UBE2H: variants seen among roughly 807,000 people sequenced by gnomAD.
UBE2H encodes the protein ubiquitin-conjugating enzyme E2 H.
In UBE2H, 3 loss-of-function variants were observed where a neutral mutation model predicts 29.0. That is an observed-to-expected ratio of 0.10 (90% confidence interval 0.05 to 0.27). The LOEUF (loss-of-function observed/expected upper bound fraction) is 0.27. Among genes scored for constraint, UBE2H ranks in the 10% least tolerant of loss-of-function variants. The pLI is 1.00. For synonymous variants in UBE2H, 69 were observed against 82.9 expected, an observed-to-expected ratio of 0.83 and a Z score of 0.91; for missense variants, 68 against 228.2, an observed-to-expected ratio of 0.30 and a Z score of 4.52.
intron 1 of UBE2H, among the ~76,000 whole-genome samples, chr7:129,907,757 C>A (rs1806850355): frequency 6.6e-6 from 1 of 152,054 alleles, no homozygotes; most frequent in Non-Finnish European, 1.5e-5. Flanking sequence ...CTTAAAATTG[C>A]TGAATTTTAC....
chr7:129,918,190 A>G (rs189568258), intron 1 of UBE2H, among the ~76,000 whole-genome samples: 2 of 152,256 alleles, frequency 1.3e-5, no homozygotes, highest in Admixed American at 1.3e-4. Context: ...CTCTCATATC[A>G]TCACCTTTAT....
In UBE2H at chr7:129,940,385, G is replaced by A. The variant is rs76026103; in HGVS notation, c.53+12118C>T. 4.4e-3 allele frequency among the ~76,000 whole-genome samples: 672 copies of A among 152,224 alleles called. 6 individuals are homozygous for A. Among genetic ancestry groups the A allele is most frequent in the African/African-American group, 0.015 (641 of 41,542 alleles). ...CTCAATTAATTGATATCCTAAATAT[G>A]GATCCTCCAAGTGCTACAGAACAGG... On this transcript the variant is annotated intron_variant, in intron 1 of 6. Coordinates refer to ENST00000355621, the MANE Select transcript of UBE2H (RefSeq NM_003344.4).
chr7:129,850,019 C>T (rs1296272734), intron 5 of UBE2H, among the ~76,000 whole-genome samples: 1 of 152,088 alleles, frequency 6.6e-6, no homozygotes, highest in South Asian at 2.1e-4. Flanking sequence ...AAAACACCTC[C>T]GAAAAGAAGT....
At chr7:129,933,550 A>G (rs1412773819) in intron 1 of UBE2H, among the ~76,000 whole-genome samples, 2 of 152,208 alleles carry the variant, frequency 1.3e-5, no homozygotes, top group Admixed American at 6.5e-5. Context: ...TGAATAACCT[A>G]TAAGGTATTA....
chr7:129,920,684 G>A (rs1807140287), intron 1 of UBE2H, among the ~76,000 whole-genome samples: 1 of 151,936 alleles, frequency 6.6e-6, no homozygotes, highest in Non-Finnish European at 1.5e-5. Flanking sequence ...AGGCTTTAGT[G>A]TAACTTCAGG....
rs780036460 is a variant in UBE2H, at chr7:129,834,212, C to T, written c.*725G>A. 8.5e-5 allele frequency: 13 copies of T among 152,172 alleles called. No homozygotes were observed. Among genetic ancestry groups the T allele is most frequent in the Non-Finnish European group, 1.3e-4 (9 of 68,032 alleles). The allele number at this position is 152,172 out of a possible 1,614,324, so 9.4% of individuals were successfully genotyped here. A position where few individuals can be genotyped will look rare whatever the true frequency, so the allele number is the denominator to read the frequency against. Reference sequence around the variant, plus strand: ...AAACAGGTCTGGATTTCACGCTCTACCCCAAGAAAAAGAACTGGTTCAGAA... The same window carrying T: ...AAACAGGTCTGGATTTCACGCTCTATCCCAAGAAAAAGAACTGGTTCAGAA... On this transcript the variant is annotated 3_prime_UTR_variant, in exon 7 of 7. Transcript: ENST00000355621.
chr7:129,881,948 C>G (rs1806263313), intron 1 of UBE2H, among the ~76,000 whole-genome samples: 1 of 151,916 alleles, frequency 6.6e-6, no homozygotes, highest in Non-Finnish European at 1.5e-5. Flanking sequence ...AAAAGACCAA[C>G]AAAACAAAAA....
intron 5 of UBE2H, among the ~76,000 whole-genome samples, chr7:129,852,681 T>A (rs1434658141): frequency 6.6e-6 from 1 of 152,154 alleles, no homozygotes; most frequent in Non-Finnish European, 1.5e-5. Flanking sequence ...AACTGCCCAA[T>A]TTCATAAGAA....
At chr7:129,950,221 T>C (rs749492045) in intron 1 of UBE2H, among the ~76,000 whole-genome samples, 5 of 152,128 alleles carry the variant, frequency 3.3e-5, no homozygotes, top group Non-Finnish European at 7.4e-5. Flanking sequence ...AAAGATAACC[T>C]CTGGCTTTTA....
chr7:129,836,879 C>CAAAAAAAAAAAAAAAAAAAAAAACAA (rs1805337486), intron 6 of UBE2H, among the ~76,000 whole-genome samples: 1 of 73,756 alleles, frequency 1.4e-5, no homozygotes, highest in Non-Finnish European at 2.6e-5. Context: ...GACTCCGTCT[C>CAAAAAAAAAAAAAAAAAAAAAAACAA]AAAAAAAAAA....
In UBE2H at chr7:129,839,155, C is replaced by T. The variant is rs3736214; in HGVS notation, c.427+52G>A. 3,268 of 1,589,074 alleles carry T rather than the reference C, an allele frequency of 2.1e-3. 6 individuals are homozygous for T. The highest frequency in any genetic ancestry group is 0.011 in the East Asian group (481 of 44,506). Reference sequence around the variant, plus strand: ...TAAGAAGGACTTTTAATGACTGAAGCCCAACAGATTTAAGTTCTTTTGTCT... The same window carrying T: ...TAAGAAGGACTTTTAATGACTGAAGTCCAACAGATTTAAGTTCTTTTGTCT... On this transcript the variant is annotated intron_variant, in intron 6 of 6. Coordinates refer to ENST00000355621, the MANE Select transcript of UBE2H (RefSeq NM_003344.4).
At chr7:129,901,143 G>A (rs1806706073) in intron 1 of UBE2H, among the ~76,000 whole-genome samples, 2 of 152,158 alleles carry the variant, frequency 1.3e-5, no homozygotes, top group South Asian at 4.1e-4. Context: ...TCCTTAATTT[G>A]TTCCTCACCT....
chr7:129,873,805 A>G (rs1806091941), intron 3 of UBE2H, among the ~76,000 whole-genome samples: 1 of 152,108 alleles, frequency 6.6e-6, no homozygotes, highest in Non-Finnish European at 1.5e-5. Flanking sequence ...AACATTCAGC[A>G]AACCATTCAG....
intron 5 of UBE2H, chr7:129,839,716 TG>T: frequency 7.9e-6 from 2 of 254,514 alleles, no homozygotes; most frequent in South Asian, 4.0e-5. Flanking sequence ...TTTTTTTGTT[TG>T]TTTTTTTTTT....
At chr7:129,928,134 C>T (rs900079020) in intron 1 of UBE2H, among the ~76,000 whole-genome samples, 3 of 151,246 alleles carry the variant, frequency 2.0e-5, no homozygotes, top group Non-Finnish European at 4.4e-5. Flanking sequence ...GGTTCAAGAC[C>T]ATCCTGGCCA....
chr7:129,839,660 A>G (rs555945431), intron 5 of UBE2H: 76 of 284,478 alleles, frequency 2.7e-4, no homozygotes, highest in South Asian at 2.2e-3. Context: ...TCTGAAAGGT[A>G]TTCAGATGCT....
chr7:129,935,414 G>GAA (rs77698999), intron 1 of UBE2H, among the ~76,000 whole-genome samples: 39 of 82,004 alleles, frequency 4.8e-4, no homozygotes, highest in African/African-American at 1.5e-3. Context: ...CTGTCTCAAA[G>GAA]AAAAAAAAAA....
chr7:129,922,044 C>A (rs1247981441), intron 1 of UBE2H, among the ~76,000 whole-genome samples: 1 of 151,964 alleles, frequency 6.6e-6, no homozygotes, highest in Non-Finnish European at 1.5e-5. Flanking sequence ...AGTGCAGTGG[C>A]ACGATCTCGG....
intron 1 of UBE2H, among the ~76,000 whole-genome samples, chr7:129,909,503 A>G (rs1355530139): frequency 6.6e-6 from 1 of 152,166 alleles, no homozygotes; most frequent in African/African-American, 2.4e-5. Context: ...CTCCAGTCCA[A>G]GGGTCTTTTC....
Sources: allele counts gnomAD v4.1 joint callset (sites outside exome capture counted in the v4.1 genomes callset), GRCh38; gene constraint gnomAD v4.1.1; transcripts MANE v1.5; gene names NCBI Gene and HGNC (gene_info 2026-07-23, HGNC 2026-07-21).